DIS3L2: variants seen among roughly 807,000 people sequenced by gnomAD.
The protein encoded by DIS3L2 is DIS3 like 3'-5' exoribonuclease 2.
In DIS3L2, 34 loss-of-function variants were observed where a neutral mutation model predicts 97.5. The ratio of observed to expected loss-of-function variants is 0.35; its 90% confidence interval spans 0.27 to 0.46. The LOEUF (loss-of-function observed/expected upper bound fraction) is 0.46, where lower values mean the gene tolerates loss of function less well. Among genes scored for constraint, DIS3L2 ranks in the 20% least tolerant of loss-of-function variants. The pLI, the probability that DIS3L2 is intolerant of heterozygous loss-of-function variation, is 1.00. For missense variants in DIS3L2, 1,038 were observed against 1,146.0 expected, an observed-to-expected ratio of 0.91 and a Z score of 1.36; for synonymous variants, 435 against 445.2, an observed-to-expected ratio of 0.98 and a Z score of 0.29.
chr2:232,306,742 G>A lies in DIS3L2; in HGVS notation c.1739+6623G>A, dbSNP rs151232328. ...TGAATAAACGCTGATGCTGCCAACA[G>A]AGGCCCATGTGCCAGTGGAAGGGAC... On this transcript the variant is annotated intron_variant, in intron 14 of 20. Transcript: ENST00000325385. Among the ~76,000 whole-genome samples the A allele has an allele frequency of 5.3e-3, 814 of 152,298 alleles. 10 individuals carry two copies. Among genetic ancestry groups the A allele is most frequent in the African/African-American group, 0.018 (752 of 41,556 alleles).
intron 7 of DIS3L2, among the ~76,000 whole-genome samples, chr2:232,133,141 G>A (rs1473402583): frequency 2.0e-5 from 3 of 152,146 alleles, no homozygotes; most frequent in Non-Finnish European, 4.4e-5. Flanking sequence ...CACCAATAAA[G>A]GTGATCCTGC....
At chr2:232,315,841 CAGCA>C (rs1695257198) in intron 14 of DIS3L2, among the ~76,000 whole-genome samples, 1 of 152,212 alleles carries the variant, frequency 6.6e-6, no homozygotes, top group Non-Finnish European at 1.5e-5. Flanking sequence ...AAGCCCAACA[CAGCA>C]AGGCCTGGCT....
intron 13 of DIS3L2, among the ~76,000 whole-genome samples, chr2:232,283,591 T>G (rs1694351849): frequency 1.3e-5 from 2 of 152,210 alleles, no homozygotes; most frequent in Admixed American, 1.3e-4. Flanking sequence ...TTCTGCTTAC[T>G]TTTTCATTTC....
intron 9 of DIS3L2, among the ~76,000 whole-genome samples, chr2:232,173,759 G>T (rs926831972): frequency 5.3e-5 from 8 of 152,186 alleles, no homozygotes; most frequent in Admixed American, 4.6e-4. Flanking sequence ...AAATGTATTG[G>T]TTTATTTCTG....
chr2:232,319,790 G>A (rs1252499295), intron 14 of DIS3L2, among the ~76,000 whole-genome samples: 1 of 152,178 alleles, frequency 6.6e-6, no homozygotes, highest in Admixed American at 6.5e-5. Context: ...AGATGGGCTT[G>A]GCCTCCAGAG....
rs1442090161 is a variant in DIS3L2, at chr2:232,333,968, C to T, written c.2139C>T (p.Arg713=). 3 of 1,612,162 alleles carry T rather than the reference C, an allele frequency of 1.9e-6. No individual in the cohort carries two copies. The highest frequency in any genetic ancestry group is 4.5e-5 in the East Asian group (2 of 44,870). The change falls in exon 17 of 21, where the codon CGC becomes CGT. Residue 713 remains arginine (R), a synonymous_variant. Transcript: ENST00000325385. ...IRRFADVLVH[R]LLAAALGYRE... is the part of the protein sequence containing the mutation. ...GCTTTGCCGACGTCCTGGTGCACCGCCTCCTGGCTGCCGCGTTAGGTGAGG... is the reference window on the plus strand; with the variant it reads ...GCTTTGCCGACGTCCTGGTGCACCGTCTCCTGGCTGCCGCGTTAGGTGAGG...
In DIS3L2 at chr2:232,262,415, G is replaced by A. The variant is rs1055538056; in HGVS notation, c.1426-792G>A. 2.6e-5 allele frequency among the ~76,000 whole-genome samples: 4 copies of A among 152,116 alleles called. No individual in the cohort carries two copies. In the South Asian group the frequency reaches 6.2e-4, roughly 24 times the overall value. ...AATGCACCTCAGTGGTAATCCCACC[G>A]CTCGGCTGGCACCACCACTAAACTT... On this transcript the variant is annotated intron_variant, in intron 12 of 20. Transcript: ENST00000325385.
intron 11 of DIS3L2, among the ~76,000 whole-genome samples, chr2:232,246,990 C>T (rs1693270218): frequency 6.6e-6 from 1 of 152,274 alleles, no homozygotes; most frequent in Non-Finnish European, 1.5e-5. Flanking sequence ...TAGTTCTGGC[C>T]CAAGTTATAA....
chr2:232,135,024 G>A (rs966304996), intron 7 of DIS3L2, among the ~76,000 whole-genome samples: 1 of 152,158 alleles, frequency 6.6e-6, no homozygotes, highest in African/African-American at 2.4e-5. Flanking sequence ...TGGAGAACAA[G>A]CGAGCTGTGT....
At chr2:231,971,953 G>A (rs1035898840) in intron 1 of DIS3L2, among the ~76,000 whole-genome samples, 12 of 150,934 alleles carry the variant, frequency 8.0e-5, no homozygotes, top group African/African-American at 2.2e-4. Context: ...TTGGGAGGCC[G>A]AGGCGGATGG....
chr2:232,017,030 C>T (rs1694374918), intron 3 of DIS3L2, among the ~76,000 whole-genome samples: 1 of 151,090 alleles, frequency 6.6e-6, no homozygotes, highest in South Asian at 2.1e-4. Flanking sequence ...AGAAAACTAT[C>T]TTTTAAAAAA....
intron 5 of DIS3L2, among the ~76,000 whole-genome samples, chr2:232,048,766 G>C (rs891693978): frequency 7.2e-5 from 11 of 151,798 alleles, no homozygotes; most frequent in African/African-American, 2.7e-4. Context: ...CCCGAAATAT[G>C]TTTGTTGCTG....
At chr2:232,145,173 A>C (rs568359789) in intron 8 of DIS3L2, among the ~76,000 whole-genome samples, 7 of 152,138 alleles carry the variant, frequency 4.6e-5, no homozygotes, top group Non-Finnish European at 1.0e-4. Flanking sequence ...ATTTTTTTGG[A>C]GTTAAAAATA....
intron 4 of DIS3L2, 80 bp from the exon 5 acceptor site, chr2:232,029,899 C>A: frequency 1.0e-6 from 1 of 998,408 alleles, no homozygotes; most frequent in Non-Finnish European, 1.5e-6. Flanking sequence ...TTTTCTATTT[C>A]AGTTATGAAA....
chr2:232,078,197 C>T (rs767479867), intron 5 of DIS3L2, among the ~76,000 whole-genome samples: 2 of 151,972 alleles, frequency 1.3e-5, no homozygotes, highest in Non-Finnish European at 2.9e-5. Flanking sequence ...GCGCGTGCCA[C>T]TACATCTGGC....
At chr2:232,078,651 C>T (rs1221547437) in intron 5 of DIS3L2, among the ~76,000 whole-genome samples, 1 of 152,154 alleles carries the variant, frequency 6.6e-6, no homozygotes, top group Non-Finnish European at 1.5e-5. Flanking sequence ...ACCTGTTTAT[C>T]CATTTATTCA....
At chr2:232,249,170 ACT>A (rs1693347548) in intron 11 of DIS3L2, 67 bp from the exon 12 acceptor site, 1 of 1,498,660 alleles carries the variant, frequency 6.7e-7, no homozygotes. Context: ...GTTCACCAAA[ACT>A]CTGCCCACTG....
chr2:232,337,909 C>T (rs553922874), downstream of DIS3L2, among the ~76,000 whole-genome samples: 6 of 150,936 alleles, frequency 4.0e-5, no homozygotes, highest in South Asian at 8.4e-4. Flanking sequence ...GCCTTTCCCT[C>T]CTCCAGGGCT....
intron 1 of DIS3L2, among the ~76,000 whole-genome samples, chr2:231,993,198 C>T (rs1490034491): frequency 1.3e-5 from 2 of 152,132 alleles, no homozygotes; most frequent in Non-Finnish European, 1.5e-5. Flanking sequence ...ATGTAACTCC[C>T]GTCCATCCAA....
Sources: gnomAD v4.1 joint callset for allele counts (sites outside exome capture counted in the v4.1 genomes callset) on GRCh38, gnomAD v4.1.1 for gene constraint, MANE v1.5 for transcripts, NCBI Gene and HGNC (gene_info 2026-07-23, HGNC 2026-07-21) for gene names.